The following SERGEF variants were observed in gnomAD, a reference collection of about 807,000 sequenced individuals.
The protein encoded by SERGEF is secretion-regulating guanine nucleotide exchange factor.
A neutral mutation model predicts 50.0 loss-of-function variants in SERGEF; 51 were observed. The observed-to-expected ratio is 1.02, with a 90% CI of 0.81 to 1.29. The LOEUF (loss-of-function observed/expected upper bound fraction) is 1.29, where lower values mean the gene tolerates loss of function less well. Ranked by LOEUF, SERGEF falls within the 50% of genes most tolerant of loss-of-function variation. The pLI is 0.00. For synonymous variants in SERGEF, 205 were observed against 212.4 expected, an observed-to-expected ratio of 0.97 and a Z score of 0.30; for missense variants, 521 against 557.0, an observed-to-expected ratio of 0.94 and a Z score of 0.65.
rs550290627 is a variant in SERGEF, at chr11:17,817,473, C to A, written c.1049-29060G>T. 2.0e-5 allele frequency among the ~76,000 whole-genome samples: 3 copies of A among 152,258 alleles called. No homozygotes were observed. The East Asian group carries it at 5.8e-4, about 29-fold the overall frequency. ...CCTCGTGATCTGCCTGCCTCAGCCT[C>A]CCAAAGTGCTGGGATTACAGGCATG... On this transcript the variant is annotated intron_variant, in intron 10 of 10. Transcript: ENST00000265965.
In SERGEF at chr11:18,006,663, G is replaced by C; in HGVS notation, c.280C>G (p.Pro94Ala). The stretch of plus-strand genomic sequence containing the variant: ...GGACAGCCAAAGAGGGATTTGCAGG[G>C]GGTAAAATATGGGATATCCTCTGTG... ...GHTEDIPYFT[P>A]CKSLFGCPIQ... The change falls in exon 3 of 11, where the codon CCC becomes GCC. Residue 94 changes from proline to alanine, a missense_variant. Pro to Ala is a conservative substitution (Grantham distance 27). Coordinates refer to ENST00000265965, the MANE Select transcript of SERGEF (RefSeq NM_012139.4). 6.2e-7 allele frequency: 1 copy of C among 1,614,122 alleles called. No homozygotes were observed. Among genetic ancestry groups the C allele is most frequent in the Non-Finnish European group, 8.5e-7 (1 of 1,179,996 alleles).
At chr11:17,821,871 C>T (rs914441692) in intron 10 of SERGEF, among the ~76,000 whole-genome samples, 2 of 152,196 alleles carry the variant, frequency 1.3e-5, no homozygotes, top group African/African-American at 4.8e-5. Context: ...GCATCCACAA[C>T]ATAGGACACA....
intron 8 of SERGEF, among the ~76,000 whole-genome samples, chr11:17,977,256 A>G (rs1235797505): frequency 6.6e-6 from 1 of 152,238 alleles, no homozygotes; most frequent in Non-Finnish European, 1.5e-5. Flanking sequence ...GGTTTCAGGC[A>G]ATGAAAACTG....
At chr11:18,002,342 C>T (rs898331498) in intron 4 of SERGEF, among the ~76,000 whole-genome samples, 42 of 152,144 alleles carry the variant, frequency 2.8e-4, no homozygotes, top group Non-Finnish European at 1.3e-4. Flanking sequence ...TCTGACCTCC[C>T]TACCATGTTG....
At chr11:17,813,840 C>T (rs2133837390) in intron 10 of SERGEF, among the ~76,000 whole-genome samples, 1 of 152,326 alleles carries the variant, frequency 6.6e-6, no homozygotes, top group South Asian at 2.1e-4. Flanking sequence ...ATATCTGTGC[C>T]TGGAGCACAG....
At chr11:17,909,315 T>C (rs183898062) in intron 9 of SERGEF, among the ~76,000 whole-genome samples, 1 of 152,330 alleles carries the variant, frequency 6.6e-6, no homozygotes, top group African/African-American at 2.4e-5. Context: ...ACAATTATTA[T>C]TTGGCCAGAA....
intron 10 of SERGEF, among the ~76,000 whole-genome samples, chr11:17,850,527 C>G (rs1024485): frequency 0.05 from 7,680 of 152,242 alleles, 334 homozygotes; most frequent in African/African-American, 0.12. Context: ...AAATGGACAT[C>G]CTGCCAAGAT....
In SERGEF at chr11:17,839,714, GGGCTGCCA is replaced by G. The variant is rs541171518; in HGVS notation, c.1048+38486_1048+38493del. On this transcript the variant is annotated intron_variant, in intron 10 of 10. Coordinates refer to ENST00000265965, the MANE Select transcript of SERGEF (RefSeq NM_012139.4). The stretch of plus-strand genomic sequence containing the variant: ...ACACCATCCACGCGCACATGCCACA[GGGCTGCCA>G]GCTGATCAGAGGCTCCGAAGCCTTC... Among the ~76,000 whole-genome samples, 504 of 152,282 alleles carry G rather than the reference GGGCTGCCA, an allele frequency of 3.3e-3. 3 individuals carry two copies. Among genetic ancestry groups the G allele is most frequent in the Admixed American group, 6.5e-3 (99 of 15,292 alleles).
At chr11:17,978,537 C>T (rs561447763) in intron 8 of SERGEF, among the ~76,000 whole-genome samples, 35 of 152,212 alleles carry the variant, frequency 2.3e-4, no homozygotes, top group Non-Finnish European at 4.1e-4. Context: ...AAGACCAGGC[C>T]CTTGAAGAAA....
chr11:17,832,329 C>A (rs1267659789), intron 10 of SERGEF, among the ~76,000 whole-genome samples: 1 of 152,210 alleles, frequency 6.6e-6, no homozygotes, highest in African/African-American at 2.4e-5. Flanking sequence ...TTTTTGCCTG[C>A]AACCATGCAC....
chr11:17,880,041 T>C (rs546563152), intron 9 of SERGEF, among the ~76,000 whole-genome samples: 1 of 152,226 alleles, frequency 6.6e-6, no homozygotes, highest in Non-Finnish European at 1.5e-5. Flanking sequence ...TAGAAGCCAA[T>C]CTGCACATTC....
chr11:17,870,385 T>A (rs1851117437), intron 10 of SERGEF, among the ~76,000 whole-genome samples: 1 of 152,304 alleles, frequency 6.6e-6, no homozygotes, highest in East Asian at 1.9e-4. Flanking sequence ...GTCAGAGTGA[T>A]GCAGTAGGAG....
At chr11:17,813,185 C>T (rs1849905544) in intron 10 of SERGEF, among the ~76,000 whole-genome samples, 1 of 152,144 alleles carries the variant, frequency 6.6e-6, no homozygotes, top group African/African-American at 2.4e-5. Context: ...ATTTCCATAC[C>T]AGTATCCTGT....
chr11:17,870,877 A>C (rs912565655), intron 10 of SERGEF, among the ~76,000 whole-genome samples: 1 of 152,214 alleles, frequency 6.6e-6, no homozygotes, highest in African/African-American at 2.4e-5. Flanking sequence ...ACTAGCATAC[A>C]AACGGAAAAA....
chr11:17,833,271 C>T (rs188441151), intron 10 of SERGEF, among the ~76,000 whole-genome samples: 1 of 152,310 alleles, frequency 6.6e-6, no homozygotes, highest in East Asian at 1.9e-4. Context: ...TCAGAGGGTG[C>T]GAACCTCAAA....
At chr11:17,954,142 T>G (rs916770983) in intron 9 of SERGEF, among the ~76,000 whole-genome samples, 8 of 152,180 alleles carry the variant, frequency 5.3e-5, no homozygotes, top group African/African-American at 1.9e-4. Flanking sequence ...AATGATGCTG[T>G]GGGTACTTAC....
chr11:17,961,819 T>C (rs1853005006), intron 8 of SERGEF, among the ~76,000 whole-genome samples: 2 of 152,224 alleles, frequency 1.3e-5, no homozygotes, highest in African/African-American at 4.8e-5. Context: ...AACTTGTCTA[T>C]TTCTCCTCAA....
intron 8 of SERGEF, among the ~76,000 whole-genome samples, chr11:17,966,076 C>A (rs1590222629): frequency 6.6e-6 from 1 of 152,170 alleles, no homozygotes; most frequent in South Asian, 2.1e-4. Flanking sequence ...CCAATTCCCA[C>A]CTACCAAAGT....
intron 10 of SERGEF, among the ~76,000 whole-genome samples, chr11:17,824,949 T>C (rs965677722): frequency 3.9e-5 from 6 of 152,230 alleles, no homozygotes; most frequent in African/African-American, 9.6e-5. Flanking sequence ...TTATTTCCGA[T>C]GTCTAGCAAT....
Sources: allele counts gnomAD v4.1 joint callset (sites outside exome capture counted in the v4.1 genomes callset), GRCh38; gene constraint gnomAD v4.1.1; transcripts MANE v1.5; gene names NCBI Gene and HGNC (gene_info 2026-07-23, HGNC 2026-07-21).